NEDD9: variants seen among roughly 807,000 people sequenced by gnomAD.
The protein encoded by NEDD9 is enhancer of filamentation 1.
A neutral mutation model predicts 76.6 loss-of-function variants in NEDD9; 26 were observed. The observed-to-expected ratio is 0.34, with a 90% confidence interval of 0.25 to 0.47. The LOEUF (loss-of-function observed/expected upper bound fraction) is 0.47. Among genes scored for constraint, NEDD9 ranks in the 20% least tolerant of loss-of-function variants. The pLI, the probability that NEDD9 is intolerant of heterozygous loss-of-function variation, is 1.00. For missense variants in NEDD9, 937 were observed against 1,058.5 expected (o/e 0.89, Z 1.59); for synonymous variants, 392 against 414.2 (o/e 0.95, Z 0.65).
intron 2 of NEDD9, among the ~76,000 whole-genome samples, chr6:11,196,850 C>G (rs1462229431): frequency 2.0e-5 from 3 of 152,118 alleles, no homozygotes; most frequent in African/African-American, 7.2e-5. Flanking sequence ...TGTGGAAGAT[C>G]AGGGAGCTCG....
chr6:11,201,640 A>C (rs1028616284), intron 2 of NEDD9, among the ~76,000 whole-genome samples: 3 of 152,222 alleles, frequency 2.0e-5, no homozygotes, highest in Non-Finnish European at 2.9e-5. Flanking sequence ...ATTATTATTT[A>C]TACTTCTACA....
At chr6:11,297,585 C>T (rs1166169033) in intron 3 of NEDD9, among the ~76,000 whole-genome samples, 2 of 152,206 alleles carry the variant, frequency 1.3e-5, no homozygotes, top group African/African-American at 4.8e-5. Context: ...CATTCTCCCA[C>T]CAGGCCTTTC....
chr6:11,336,593 G>A (rs1189029475), intron 1 of NEDD9, among the ~76,000 whole-genome samples: 1 of 152,180 alleles, frequency 6.6e-6, no homozygotes, highest in Non-Finnish European at 1.5e-5. Context: ...CTCTGGGTGA[G>A]TCAGTGAGTG....
At chr6:11,223,318 T>C (rs936658190) in intron 1 of NEDD9, among the ~76,000 whole-genome samples, 3 of 152,186 alleles carry the variant, frequency 2.0e-5, no homozygotes, top group African/African-American at 7.2e-5. Context: ...TTCTTCTTTA[T>C]AAAAATATGA....
intron 2 of NEDD9, among the ~76,000 whole-genome samples, chr6:11,208,822 T>C (rs1758687584): frequency 6.6e-6 from 1 of 152,262 alleles, no homozygotes; most frequent in African/African-American, 2.4e-5. Context: ...TCACTGATCT[T>C]TGAAGCAGAG....
At chr6:11,244,663 T>C (rs1382299668) in intron 3 of NEDD9, among the ~76,000 whole-genome samples, 1 of 152,190 alleles carries the variant, frequency 6.6e-6, no homozygotes, top group South Asian at 2.1e-4. Flanking sequence ...CAAGATCTTT[T>C]TGAGATTTGT....
chr6:11,249,119 T>C (rs1466583904), intron 3 of NEDD9: 1 of 455,668 alleles, frequency 2.2e-6, no homozygotes, highest in African/African-American at 2.0e-5. Flanking sequence ...TCTGCGAGGG[T>C]TTTTTGGGAG....
chr6:11,295,714 T>C (rs1482554463), intron 3 of NEDD9, among the ~76,000 whole-genome samples: 1 of 152,212 alleles, frequency 6.6e-6, no homozygotes, highest in Non-Finnish European at 1.5e-5. Flanking sequence ...GGGGTCTTTA[T>C]CCTGATTTCA....
chr6:11,253,884 G>C (rs934977107), intron 3 of NEDD9, among the ~76,000 whole-genome samples: 2 of 152,098 alleles, frequency 1.3e-5, no homozygotes, highest in African/African-American at 4.8e-5. Flanking sequence ...AGTTGCACAC[G>C]TCTGGTCATT....
At chr6:11,187,060 T>C (rs2113710359) in intron 6 of NEDD9, among the ~76,000 whole-genome samples, 1 of 152,362 alleles carries the variant, frequency 6.6e-6, no homozygotes, top group South Asian at 2.1e-4. Flanking sequence ...AGGTATTTAA[T>C]CATAATGGAT....
intron 3 of NEDD9, among the ~76,000 whole-genome samples, chr6:11,259,782 A>G (rs1319837896): frequency 6.6e-6 from 1 of 152,234 alleles, no homozygotes; most frequent in Non-Finnish European, 1.5e-5. Flanking sequence ...GTTTTAAGAT[A>G]AAGCAACCAA....
intron 1 of NEDD9, among the ~76,000 whole-genome samples, chr6:11,372,111 C>G (rs1762888174): frequency 6.6e-6 from 1 of 152,114 alleles, no homozygotes; most frequent in Admixed American, 6.5e-5. Flanking sequence ...CATTATCTAT[C>G]TCCCCTACCT....
At chr6:11,314,455 C>T (rs1561829909) in intron 2 of NEDD9, among the ~76,000 whole-genome samples, 2 of 152,092 alleles carry the variant, frequency 1.3e-5, no homozygotes, top group East Asian at 3.8e-4. Flanking sequence ...ACTCTTGGAC[C>T]AAGCATGGGT....
At chr6:11,348,374 C>T (rs1762402981) in intron 1 of NEDD9, among the ~76,000 whole-genome samples, 1 of 152,174 alleles carries the variant, frequency 6.6e-6, no homozygotes, top group Non-Finnish European at 1.5e-5. Context: ...TTTACAGATT[C>T]AATGCTATTC....
chr6:11,293,787 C>T (rs1760828643), intron 3 of NEDD9, among the ~76,000 whole-genome samples: 1 of 152,166 alleles, frequency 6.6e-6, no homozygotes, highest in African/African-American at 2.4e-5. Flanking sequence ...AACATCTTTC[C>T]AATCCTCCCA....
At chr6:11,232,180 T>C (rs571696677) in intron 1 of NEDD9, among the ~76,000 whole-genome samples, 1 of 152,322 alleles carries the variant, frequency 6.6e-6, no homozygotes, top group African/African-American at 2.4e-5. Context: ...CTTGAGCCAA[T>C]GCCTGCCGCG....
intron 1 of NEDD9, among the ~76,000 whole-genome samples, chr6:11,351,473 C>T (rs1388306078): frequency 2.0e-5 from 3 of 152,206 alleles, no homozygotes; most frequent in Non-Finnish European, 4.4e-5. Flanking sequence ...CTCTCACCTT[C>T]CCTTGTTCTA....
At chr6:11,341,968 G>A (rs1396061892) in intron 1 of NEDD9, among the ~76,000 whole-genome samples, 3 of 152,102 alleles carry the variant, frequency 2.0e-5, no homozygotes, top group Non-Finnish European at 4.4e-5. Flanking sequence ...TAAGTTGTGA[G>A]TAAATGAGGA....
intron 1 of NEDD9, among the ~76,000 whole-genome samples, chr6:11,227,427 T>C (rs1176851594): frequency 6.6e-6 from 1 of 152,198 alleles, no homozygotes; most frequent in Non-Finnish European, 1.5e-5. Context: ...CAGTTATTCT[T>C]ATCCCTATTT....
Sources: gnomAD v4.1 joint callset for allele counts (sites outside exome capture counted in the v4.1 genomes callset) on GRCh38, gnomAD v4.1.1 for gene constraint, MANE v1.5 for transcripts, NCBI Gene and HGNC (gene_info 2026-07-23, HGNC 2026-07-21) for gene names.